Variants in PRELID2 observed in about 807,000 individuals in gnomAD.
PRELID2 encodes PRELI domain-containing protein 2.
Under a neutral mutation model 28.4 loss-of-function variants are expected in PRELID2, and 25 were observed. The ratio of observed to expected loss-of-function variants is 0.88; its 90% CI spans 0.64 to 1.23. The LOEUF is 1.23. Ranked by LOEUF, PRELID2 falls within the 50% of genes most tolerant of loss-of-function variation. PRELID2 has a pLI of 0.00. For synonymous variants in PRELID2, 76 were observed against 71.6 expected (o/e 1.06, Z -0.31); for missense variants, 201 against 214.4 (o/e 0.94, Z 0.39).
intron 1 of PRELID2, among the ~76,000 whole-genome samples, chr5:145,633,439 A>G (rs1019795652): frequency 2.0e-5 from 3 of 152,130 alleles, no homozygotes; most frequent in African/African-American, 7.2e-5. Context: ...AGTAAACTCT[A>G]GTTCACATTT....
chr5:145,293,245 G>A, the PRELID2 span, among the ~76,000 whole-genome samples: 9 of 152,082 alleles, frequency 5.9e-5, no homozygotes, highest in East Asian at 1.9e-4. Context: ...TGCAACCCTC[G>A]TTATATAGAC....
the PRELID2 span, among the ~76,000 whole-genome samples, chr5:145,264,140 A>C: frequency 6.6e-6 from 1 of 152,008 alleles, no homozygotes; most frequent in Admixed American, 6.6e-5. Context: ...TCCTCCCCAA[A>C]TCATTTTATA....
intron 1 of PRELID2, among the ~76,000 whole-genome samples, chr5:145,740,580 ATTATATATATAAATATATATATATTAT>A (rs1256975809): frequency 8.8e-6 from 1 of 114,280 alleles, no homozygotes; most frequent in East Asian, 2.4e-4. Context: ...AAATATATAT[ATTATATATATAAATATATATATATTAT>A]ATATATAAAT....
chr5:145,403,660 CAT>C, the PRELID2 span, among the ~76,000 whole-genome samples: 2 of 152,196 alleles, frequency 1.3e-5, no homozygotes, highest in African/African-American at 2.4e-5. Flanking sequence ...TAACACTTAA[CAT>C]GTGTCATTTT....
chr5:145,773,394 C>T (rs1420841763), intron 5 of PRELID2, among the ~76,000 whole-genome samples: 2 of 152,188 alleles, frequency 1.3e-5, no homozygotes, highest in African/African-American at 4.8e-5. Context: ...TCCAATGTGA[C>T]TCAATTAATC....
the PRELID2 span, among the ~76,000 whole-genome samples, chr5:145,372,711 C>T: frequency 2.6e-5 from 4 of 151,240 alleles, no homozygotes; most frequent in African/African-American, 7.3e-5. Flanking sequence ...AAATTCTCAT[C>T]CATCCTTTTA....
chr5:145,782,975 C>T lies in PRELID2; in HGVS notation c.474+13467G>A, dbSNP rs552765751. On this transcript the variant is annotated intron_variant, in intron 5 of 6. Transcript: ENST00000683046. ...AGAGCAACTAGCTCAAGCAACACAG[C>T]CCTCAGAGAGCGGCCAAGACAGGGC... Among the ~76,000 whole-genome samples the T allele has an allele frequency of 2.6e-5, 4 of 152,332 alleles. No homozygotes were observed. The East Asian group carries it at 7.7e-4, about 29-fold the overall frequency.
At chr5:145,435,548 C>A in the PRELID2 span, among the ~76,000 whole-genome samples, 2 of 152,164 alleles carry the variant, frequency 1.3e-5, no homozygotes, top group African/African-American at 4.8e-5. Flanking sequence ...ATCAATTGTC[C>A]TGTTCTCATT....
chr5:145,698,101 C>T (rs1346657773), intron 1 of PRELID2, among the ~76,000 whole-genome samples: 2 of 152,118 alleles, frequency 1.3e-5, no homozygotes, highest in Non-Finnish European at 2.9e-5. Flanking sequence ...GTCCTCTTTG[C>T]AAGCTCCAAA....
chr5:145,660,652 G>A lies in PRELID2; in HGVS notation n.70+104279C>T, dbSNP rs951646863. On this transcript the variant is annotated intron_variant and non_coding_transcript_variant, in intron 1 of 2. Transcript: ENST00000510259. ...TATTGGTGCCAATGGGGTTGTGCAT[G>A]CATAATTTAGTGTTATACTGTCAAC... Among the ~76,000 whole-genome samples, 58 of 152,292 alleles carry A rather than the reference G, an allele frequency of 3.8e-4. 1 individual carries two copies. Among genetic ancestry groups the A allele is most frequent in the African/African-American group, 1.4e-3 (57 of 41,570 alleles).
the PRELID2 span, among the ~76,000 whole-genome samples, chr5:145,405,933 C>T: frequency 3.3e-5 from 5 of 151,944 alleles, no homozygotes; most frequent in African/African-American, 9.7e-5. Context: ...TCTCAATCTC[C>T]TAACCTTGTG....
chr5:145,697,684 C>G (rs1755310975), intron 1 of PRELID2, among the ~76,000 whole-genome samples: 1 of 152,114 alleles, frequency 6.6e-6, no homozygotes, highest in African/African-American at 2.4e-5. Context: ...ATCTGAGAAA[C>G]TAACTTGAAG....
chr5:145,378,612 T>C, the PRELID2 span, among the ~76,000 whole-genome samples: 2 of 152,200 alleles, frequency 1.3e-5, no homozygotes, highest in Admixed American at 6.5e-5. Flanking sequence ...ATGAAATTCT[T>C]GTAGTGTATT....
chr5:145,413,897 A>T, the PRELID2 span, among the ~76,000 whole-genome samples: 1 of 152,136 alleles, frequency 6.6e-6, no homozygotes, highest in Non-Finnish European at 1.5e-5. Flanking sequence ...AGACTGAATC[A>T]TATTTTATTG....
chr5:145,712,395 T>A (rs986188725), intron 1 of PRELID2, among the ~76,000 whole-genome samples: 2 of 152,198 alleles, frequency 1.3e-5, no homozygotes, highest in Non-Finnish European at 2.9e-5. Context: ...CTCTGTTCTG[T>A]GACATCATGT....
At position 145,757,681 on chromosome 5, in the gene PRELID2, G is replaced by C. The variant is rs1314610404; in HGVS notation, c.*2855C>G. Reference sequence around the variant, plus strand: ...AAGCCCTAATTAATTCCAAAAAGAGGACAGACACAGTGGCTCAAGCCTGTA... The same window carrying C: ...AAGCCCTAATTAATTCCAAAAAGAGCACAGACACAGTGGCTCAAGCCTGTA... On this transcript the variant is annotated 3_prime_UTR_variant, in exon 7 of 7. Transcript: ENST00000683046. 2.0e-5 allele frequency among the ~76,000 whole-genome samples: 3 copies of C among 151,702 alleles called. No homozygotes were observed. Among genetic ancestry groups the C allele is most frequent in the Non-Finnish European group, 4.4e-5 (3 of 67,926 alleles).
At chr5:145,494,000 C>T (rs959586282) in intron 1 of PRELID2, among the ~76,000 whole-genome samples, 4 of 152,154 alleles carry the variant, frequency 2.6e-5, no homozygotes, top group African/African-American at 9.7e-5. Context: ...CTTCGTAAGT[C>T]GCTTGTTCAC....
chr5:145,561,098 T>C lies in PRELID2; in HGVS notation n.71-87783A>G, dbSNP rs111889166. ...TGAAACTGCATGCCACAAAGATTTG[T>C]TAGGTGGAAAGGGAAAGATATTTAG... is the stretch of plus-strand genomic sequence containing the variant. On this transcript the variant is annotated intron_variant and non_coding_transcript_variant, in intron 1 of 2. Coordinates refer to the PRELID2 transcript ENST00000510259. Among the ~76,000 whole-genome samples the C allele has an allele frequency of 2.6e-5, 4 of 152,152 alleles. 1 individual carries two copies. The highest frequency in any genetic ancestry group is 9.6e-5 in the African/African-American group (4 of 41,510).
chr5:145,715,011 C>T (rs1023724021), intron 1 of PRELID2, among the ~76,000 whole-genome samples: 5 of 152,112 alleles, frequency 3.3e-5, no homozygotes, highest in African/African-American at 1.2e-4. Flanking sequence ...CTACATACTC[C>T]ATCTAGGCAA....
Sources: gnomAD v4.1 joint callset for allele counts (sites outside exome capture counted in the v4.1 genomes callset) on GRCh38, gnomAD v4.1.1 for gene constraint, MANE v1.5 for transcripts, NCBI Gene and HGNC (gene_info 2026-07-23, HGNC 2026-07-21) for gene names.